The following NBEAL2 variants were observed in gnomAD, a reference collection of about 807,000 sequenced individuals.
NBEAL2 encodes neurobeachin-like protein 2.
Under a neutral mutation model 299.8 loss-of-function variants are expected in NBEAL2, and 160 were observed. That is an observed-to-expected ratio of 0.53 (90% CI 0.47 to 0.61). The LOEUF is 0.61. Among genes scored for constraint, NBEAL2 ranks in the 20% least tolerant of loss-of-function variants. NBEAL2 has a pLI of 0.00. For synonymous variants in NBEAL2, 1,493 were observed against 1,542.3 expected, an observed-to-expected ratio of 0.97 and a Z score of 0.75; for missense variants, 3,112 against 3,649.0, an observed-to-expected ratio of 0.85 and a Z score of 3.79.
rs769570521 is a variant in NBEAL2, at chr3:47,001,936, A to C, written c.4799A>C (p.Tyr1600Ser). The C allele has an allele frequency of 3.1e-6, 5 of 1,604,668 alleles. No individual in the cohort carries two copies. In the African/African-American group the frequency reaches 6.7e-5, roughly 21 times the overall value. The change falls in exon 31 of 54, where the codon TAC (tyrosine) becomes TCC (serine). Residue 1600 changes from tyrosine to serine, a missense_variant. Physicochemically the swap from Tyr to Ser is moderately radical, Grantham distance 144 (BLOSUM62 -2). Around this residue, in one of 3 missense-constraint regions of NBEAL2, gnomAD observed 2,243 missense variants for 2,538.1 expected, o/e 0.88. Coordinates refer to ENST00000450053, the MANE Select transcript of NBEAL2 (RefSeq NM_015175.3). The surrounding 1 kb of genome is among the most constrained non-coding windows in gnomAD (Gnocchi z 6.1). The stretch of plus-strand genomic sequence containing the variant: ...CGCCCACAGCTGCATGCCCAGGCCT[A>C]CGTGAGATTGCACATGCTGCTACAG... The part of the protein sequence containing the change: ...LEDPQLHAQA[Y>S]VRLHMLLQTA...
In NBEAL2 at chr3:47,005,551, G is replaced by C. The variant is rs1303760495; in HGVS notation, c.6623G>C (p.Ser2208Thr). 1 of 1,611,584 alleles carries C rather than the reference G, an allele frequency of 6.2e-7. No individual in the cohort carries two copies. Among genetic ancestry groups the C allele is most frequent in the South Asian group, 1.1e-5 (1 of 90,766 alleles). ...VAAAWQARLE[S>T]PADVKELIPE... Reference sequence around the variant, plus strand: ...GCAGCCTGGCAGGCACGCCTGGAGAGCCCTGCCGATGTGAAGGAGCTCATC... The same window carrying C: ...GCAGCCTGGCAGGCACGCCTGGAGACCCCTGCCGATGTGAAGGAGCTCATC... The change falls in exon 41 of 54, where the codon AGC (serine) becomes ACC (threonine). Residue 2208 changes from serine to threonine, a missense_variant. Ser to Thr is a moderately conservative substitution (Grantham distance 58). This residue lies in a region of NBEAL2 where 521 missense variants were observed against 729.6 expected (regional missense o/e 0.71). Coordinates refer to ENST00000450053, the MANE Select transcript of NBEAL2 (RefSeq NM_015175.3).
In NBEAL2 at chr3:46,988,822, T is replaced by G. The variant is rs1191788245; in HGVS notation, c.141-20T>G. ...GAGATTGAGGGGTCCTCAGCACCCGTGTCTCCCCTTTCCTTGCAGGCCAGA... is the reference window on the plus strand; with the variant it reads ...GAGATTGAGGGGTCCTCAGCACCCGGGTCTCCCCTTTCCTTGCAGGCCAGA... On this transcript the variant is annotated intron_variant, in intron 2 of 53. Coordinates refer to ENST00000450053, the MANE Select transcript of NBEAL2 (RefSeq NM_015175.3). This position sits in a 1 kb window ranked among gnomAD's most constrained non-coding sequence, Gnocchi z 4.4. 5.6e-6 allele frequency: 9 copies of G among 1,604,150 alleles called. No individual in the cohort carries two copies. The highest frequency in any genetic ancestry group is 6.0e-6 in the Non-Finnish European group (7 of 1,172,406).
In NBEAL2 at chr3:46,988,008, C is replaced by T. The variant is rs1287505935; in HGVS notation, c.52-661C>T. 1 of 1,278,042 alleles carries T rather than the reference C, an allele frequency of 7.8e-7. No individual in the cohort carries two copies. The highest frequency in any genetic ancestry group is 1.0e-6 in the Non-Finnish European group (1 of 983,134). 79.2% of individuals were successfully genotyped at this position (1,278,042 alleles called of 1,614,324 possible). On this transcript the variant is annotated intron_variant, in intron 1 of 53. Coordinates refer to ENST00000450053, the MANE Select transcript of NBEAL2 (RefSeq NM_015175.3). The surrounding 1 kb of genome is among the most constrained non-coding windows in gnomAD (Gnocchi z 4.4). Reference sequence around the variant, plus strand: ...CCCGTTCACACCAAAGTTTTCCTGGCAGCGCCTAGACCTGGGCTTAGCCAC... The same window carrying T: ...CCCGTTCACACCAAAGTTTTCCTGGTAGCGCCTAGACCTGGGCTTAGCCAC...
chr3:46,997,164 G>C (rs2036563542), intron 18 of NBEAL2, 95 bp from the exon 19 acceptor site: 1 of 1,569,782 alleles, frequency 6.4e-7, no homozygotes, highest in South Asian at 1.1e-5. Context: ...TCCAGCTCAA[G>C]AGAGCAAAAC....
In NBEAL2 at chr3:47,002,433, A is replaced by T. The variant is rs758339886; in HGVS notation, c.5214A>T (p.Ser1738=). Residue 1738 remains serine (S), a synonymous_variant, in exon 32 of 54, where the codon TCA becomes TCT. Coordinates refer to ENST00000450053, the MANE Select transcript of NBEAL2 (RefSeq NM_015175.3). ...ATGCTAAGAGCCACGACCTTATGTC[A>T]GGTTTCTGGAATGCCTGCTATGACA... ...DTYAKSHDLM[S]GFWNACYDML... is the part of the protein sequence containing the mutation. The T allele has an allele frequency of 4.3e-6, 7 of 1,613,468 alleles. No individual in the cohort carries two copies. In the South Asian group the frequency reaches 7.7e-5, roughly 18 times the overall value.
intron 49 of NBEAL2, 28 bp downstream of exon 49, chr3:47,007,938 C>A (rs1384799739): frequency 2.5e-6 from 4 of 1,599,774 alleles, no homozygotes; most frequent in Admixed American, 3.4e-5. Context: ...CTCTGTGGGG[C>A]CCCCGTAGCC....
chr3:47,000,477 G>T lies in NBEAL2; in HGVS notation c.4305+73G>T. On this transcript the variant is annotated intron_variant, in intron 27 of 53. Transcript: ENST00000450053. This position sits in a 1 kb window ranked among gnomAD's most constrained non-coding sequence, Gnocchi z 4.5. The stretch of plus-strand genomic sequence containing the variant: ...ACTTCTGGTACACAGGGCTGGCAGT[G>T]TAGCCTCTCCAAAGGTGTGGCCCTG... 6.6e-7 allele frequency: 1 copy of T among 1,516,538 alleles called. No homozygotes were observed. 93.9% of individuals were successfully genotyped at this position (1,516,538 alleles called of 1,614,324 possible).
Position 46,991,160 on chromosome 3 carries a change from C to T in NBEAL2, c.557-59C>T, listed in dbSNP as rs2036052958. 1 of 1,464,056 alleles carries T rather than the reference C, an allele frequency of 6.8e-7. No individual in the cohort carries two copies. The highest frequency in any genetic ancestry group is 1.9e-5 in the Admixed American group (1 of 51,870). The allele number at this position is 1,464,056 out of a possible 1,614,324, so 90.7% of individuals were successfully genotyped here. On this transcript the variant is annotated intron_variant, in intron 6 of 53. Coordinates refer to ENST00000450053, the MANE Select transcript of NBEAL2 (RefSeq NM_015175.3). The surrounding 1 kb of genome is among the most constrained non-coding windows in gnomAD (Gnocchi z 6.2). ...AGGGCACTCACCTCTTGTGCAGCCC[C>T]CTGGGTCCATAGCCCTGCAACCTTG...
At position 46,996,936 on chromosome 3, in the gene NBEAL2, C is replaced by T. The variant is rs560061615; in HGVS notation, c.2557-18C>T. 939 of 1,612,522 alleles carry T rather than the reference C, an allele frequency of 5.8e-4. 8 individuals are homozygous for T. The South Asian group carries it at 9.7e-3, about 17-fold the overall frequency. On this transcript the variant is annotated intron_variant, in intron 17 of 53. Coordinates refer to ENST00000450053, the MANE Select transcript of NBEAL2 (RefSeq NM_015175.3). ...CCTCCCTCTGACCCTGGCTGCCTGC[C>T]CATTCCCCTATCCCTAGGCTTGTAA...
intron 1 of NBEAL2, among the ~76,000 whole-genome samples, chr3:46,980,825 C>T (rs1003621352): frequency 2.0e-5 from 3 of 152,318 alleles, no homozygotes; most frequent in South Asian, 2.1e-4. Context: ...ACTCCCCTCC[C>T]CTTCACCCAG....
rs1335048348 is a variant in NBEAL2 at position 47,009,056 on chromosome 3, C to T, written c.8095C>T (p.Arg2699Cys). 2 of 1,601,954 alleles carry T rather than the reference C, an allele frequency of 1.2e-6. No homozygotes were observed. Among genetic ancestry groups the T allele is most frequent in the Non-Finnish European group, 1.7e-6 (2 of 1,179,718 alleles). ...AIRSVAVTKE[R>C]SHVLVGLEDG... ...CCGCAGCGTGGCCGTGACCAAGGAG[C>T]GCAGCCACGTGCTGGTGGGCCTGGA... The change falls in exon 53 of 54, where the codon CGC becomes TGC. Residue 2699 changes from arginine (R) to cysteine (C), a missense_variant. Arg to Cys is a radical substitution (Grantham distance 180). Transcript: ENST00000450053.
Position 47,004,797 on chromosome 3 carries a change from C to A in NBEAL2, c.6295-175C>A. The A allele has an allele frequency of 8.8e-7, 1 of 1,139,618 alleles. No homozygotes were observed. The allele number at this position is 1,139,618 out of a possible 1,614,324, so 70.6% of individuals were successfully genotyped here. On this transcript the variant is annotated intron_variant, in intron 38 of 53. Coordinates refer to ENST00000450053, the MANE Select transcript of NBEAL2 (RefSeq NM_015175.3). The surrounding 1 kb of genome is among the most constrained non-coding windows in gnomAD (Gnocchi z 5.0). ...CCCTCCCTGCCTAGCCTCTATTCCT[C>A]AAAAGGAATCCTGTTCCAGGACACT...
chr3:46,992,949 G>A (rs998955308), intron 10 of NBEAL2, among the ~76,000 whole-genome samples: 4 of 152,208 alleles, frequency 2.6e-5, no homozygotes, highest in African/African-American at 9.6e-5. Context: ...CCCTCAGCGG[G>A]TCACTGGGTG....
chr3:46,995,025 C>T lies in NBEAL2; in HGVS notation c.1297-7C>T, dbSNP rs2036378758. 6.5e-7 allele frequency: 1 copy of T among 1,535,382 alleles called. No homozygotes were observed. Among genetic ancestry groups the T allele is most frequent in the Non-Finnish European group, 8.8e-7 (1 of 1,132,806 alleles). On this transcript the variant is annotated splice_polypyrimidine_tract_variant and splice_region_variant and intron_variant, in intron 12 of 53. Transcript: ENST00000450053. Reference sequence around the variant, plus strand: ...TGACCAGGGACTGTCATTCTCTCCACCCACAGGCTGTGGAGGGTGACCACA... The same window carrying T: ...TGACCAGGGACTGTCATTCTCTCCATCCACAGGCTGTGGAGGGTGACCACA...
At chr3:46,994,142 T>G in intron 11 of NBEAL2, 122 bp downstream of exon 11, 9 of 982,206 alleles carry the variant, frequency 9.2e-6, no homozygotes, top group East Asian at 2.6e-5. Flanking sequence ...GCAGGCGAGC[T>G]GGGAGGTGAC....
At position 47,000,911 on chromosome 3, in the gene NBEAL2, G is replaced by C. The variant is rs1347045983; in HGVS notation, c.4306-90G>C. 6.5e-7 allele frequency: 1 copy of C among 1,531,870 alleles called. No individual in the cohort carries two copies. Among genetic ancestry groups the C allele is most frequent in the Admixed American group, 2.0e-5 (1 of 50,208 alleles). The allele number at this position is 1,531,870 out of a possible 1,614,324, so 94.9% of individuals were successfully genotyped here. A position where few individuals can be genotyped will look rare whatever the true frequency, so the allele number is the denominator to read the frequency against. ...GACTCCTGGGTGGCTACCCCAGGAGGGGTGCTGAGTGGGGATGGGTGGGCG... is the reference window on the plus strand; with the variant it reads ...GACTCCTGGGTGGCTACCCCAGGAGCGGTGCTGAGTGGGGATGGGTGGGCG... On this transcript the variant is annotated intron_variant, in intron 27 of 53. Coordinates refer to ENST00000450053, the MANE Select transcript of NBEAL2 (RefSeq NM_015175.3). The surrounding 1 kb of genome is among the most constrained non-coding windows in gnomAD (Gnocchi z 4.5).
rs1005921994 is a variant in NBEAL2, at chr3:47,000,652, G to C, written c.4305+248G>C. 6.6e-6 allele frequency among the ~76,000 whole-genome samples: 1 copy of C among 152,158 alleles called. No homozygotes were observed. Among genetic ancestry groups the C allele is most frequent in the Non-Finnish European group, 1.5e-5 (1 of 68,030 alleles). On this transcript the variant is annotated intron_variant, in intron 27 of 53. Coordinates refer to ENST00000450053, the MANE Select transcript of NBEAL2 (RefSeq NM_015175.3). The surrounding 1 kb of genome is among the most constrained non-coding windows in gnomAD (Gnocchi z 4.5). The stretch of plus-strand genomic sequence containing the variant: ...AGCCAGGCTTCAGAAGGGCCCTCAA[G>C]AGAGCCTGTAGGGCAGACACCTCAC...
rs767954181 is a variant in NBEAL2 at position 46,998,505 on chromosome 3, A to G, written c.3161A>G (p.Gln1054Arg). ...YMSSIVREHR[Q>R]KLRKKYGVQF... ...TCCAGCATAGTTCGGGAGCACAGAC[A>G]GAAGCTGCGGAAGAAGTACGGCGTC... The change falls in exon 22 of 54, where the codon CAG (glutamine) becomes CGG (arginine). Residue 1054 changes from glutamine (Q) to arginine (R), a missense_variant. Physicochemically the swap from Gln to Arg is conservative, Grantham distance 43. Transcript: ENST00000450053. 1 of 1,613,492 alleles carries G rather than the reference A, an allele frequency of 6.2e-7. No homozygotes were observed. The highest frequency in any genetic ancestry group is 1.1e-5 in the South Asian group (1 of 90,990).
rs968074122 is a variant in NBEAL2, at chr3:46,994,083, C to G, written c.1197+63C>G. The G allele has an allele frequency of 1.6e-5, 24 of 1,487,098 alleles. No individual in the cohort carries two copies. The African/African-American group carries it at 3.1e-4, about 19-fold the overall frequency. 92.1% of individuals were successfully genotyped at this position (1,487,098 alleles called of 1,614,324 possible). ...GGTGGAGTTCAACTGACCATATCCC[C>G]AGAACAGGCCTGGCCGGTGGCCATA... is the stretch of plus-strand genomic sequence containing the variant. On this transcript the variant is annotated intron_variant, in intron 11 of 53. Coordinates refer to ENST00000450053, the MANE Select transcript of NBEAL2 (RefSeq NM_015175.3).
Sources: gnomAD v4.1 joint callset for allele counts (sites outside exome capture counted in the v4.1 genomes callset) on GRCh38, gnomAD v4.1.1 for gene constraint, gnomAD v4.1.1 regional missense constraint, Gnocchi (gnomAD v3.1) non-coding constraint, MANE v1.5 for transcripts, NCBI Gene and HGNC (gene_info 2026-07-23, HGNC 2026-07-21) for gene names.